The following GRID1 variants were observed in gnomAD, a reference collection of about 807,000 sequenced individuals.
GRID1 encodes the protein glutamate ionotropic receptor delta type subunit 1.
In GRID1, 28 loss-of-function variants were observed where a neutral mutation model predicts 98.0. The observed-to-expected ratio is 0.29, with a 90% CI of 0.21 to 0.39. The LOEUF is 0.39. Ranked by LOEUF, GRID1 falls within the 10% of genes least tolerant of loss-of-function variation. GRID1 has a pLI of 1.00. For synonymous variants in GRID1, 553 were observed against 538.5 expected, an observed-to-expected ratio of 1.03 and a Z score of -0.37; for missense variants, 1,111 against 1,340.5, an observed-to-expected ratio of 0.83 and a Z score of 2.67.
chr10:86,012,688 G>A (rs1045438021), intron 4 of GRID1, among the ~76,000 whole-genome samples: 2 of 152,042 alleles, frequency 1.3e-5, no homozygotes, highest in Non-Finnish European at 2.9e-5. Context: ...GCTAGAATAG[G>A]ACTGGGGCTC....
chr10:85,939,977 G>A (rs762627833), intron 4 of GRID1, among the ~76,000 whole-genome samples: 1 of 150,570 alleles, frequency 6.6e-6, no homozygotes, highest in Non-Finnish European at 1.5e-5. Context: ...TGAAGCAGGA[G>A]AATCGCTTGA....
chr10:85,891,276 T>C (rs1034602772), intron 5 of GRID1, among the ~76,000 whole-genome samples: 5 of 152,108 alleles, frequency 3.3e-5, no homozygotes, highest in African/African-American at 7.2e-5. Context: ...CAAAAAACTT[T>C]CCAAAGATGA....
intron 4 of GRID1, among the ~76,000 whole-genome samples, chr10:85,951,908 G>A (rs1254667103): frequency 6.6e-6 from 1 of 152,250 alleles, no homozygotes; most frequent in Non-Finnish European, 1.5e-5. Flanking sequence ...TCCTGGGGGT[G>A]AGGCCGACGC....
chr10:85,650,418 G>T (rs1843253136), intron 12 of GRID1, among the ~76,000 whole-genome samples: 1 of 152,150 alleles, frequency 6.6e-6, no homozygotes, highest in South Asian at 2.1e-4. Context: ...TATCACAGGT[G>T]TGGTCTCTAT....
chr10:85,831,444 T>A (rs1389466280), intron 8 of GRID1, among the ~76,000 whole-genome samples: 1 of 148,594 alleles, frequency 6.7e-6, no homozygotes, highest in Non-Finnish European at 1.5e-5. Flanking sequence ...ATAAGTTTTA[T>A]AAGATATAAA....
At chr10:86,362,833 G>A (rs1848618479) in intron 2 of GRID1, among the ~76,000 whole-genome samples, 1 of 152,220 alleles carries the variant, frequency 6.6e-6, no homozygotes, top group Non-Finnish European at 1.5e-5. Flanking sequence ...ACGGGCTTGA[G>A]GAGAAAACAC....
chr10:85,770,012 A>G (rs968260360), intron 8 of GRID1, among the ~76,000 whole-genome samples: 3 of 152,230 alleles, frequency 2.0e-5, no homozygotes, highest in Non-Finnish European at 4.4e-5. Flanking sequence ...GAGAACGGGC[A>G]GACTGCCTCC....
intron 3 of GRID1, among the ~76,000 whole-genome samples, chr10:86,170,559 C>T (rs899784261): frequency 2.0e-5 from 3 of 152,222 alleles, no homozygotes; most frequent in African/African-American, 7.2e-5. Context: ...AGGAGGGTCC[C>T]CACTTTGCTC....
chr10:85,878,118 T>C (rs1840929848), intron 5 of GRID1, among the ~76,000 whole-genome samples: 1 of 152,124 alleles, frequency 6.6e-6, no homozygotes, highest in Non-Finnish European at 1.5e-5. Flanking sequence ...TATGGGACTA[T>C]GTGAAAAGAC....
intron 5 of GRID1, among the ~76,000 whole-genome samples, chr10:85,907,891 A>G (rs1189639423): frequency 1.3e-5 from 2 of 152,220 alleles, no homozygotes; most frequent in African/African-American, 2.4e-5. Context: ...AAATCAGTCA[A>G]TGTAATTCAG....
Position 86,255,229 on chromosome 10 carries a change from T to G in GRID1, c.236-48581A>C, listed in dbSNP as rs139067557. Among the ~76,000 whole-genome samples, 174 of 152,388 alleles carry G rather than the reference T, an allele frequency of 1.1e-3. 1 individual carries two copies. The highest frequency in any genetic ancestry group is 4.0e-3 in the African/African-American group (165 of 41,594). ...TTCTTTATTTTCAAATATTCTGTCA[T>G]GCATCTATATTGTATCTGTACTTTA... On this transcript the variant is annotated intron_variant, in intron 2 of 15. Coordinates refer to ENST00000327946, the MANE Select transcript of GRID1 (RefSeq NM_017551.3).
At chr10:85,868,721 C>T (rs1843246894) in intron 6 of GRID1, among the ~76,000 whole-genome samples, 1 of 152,218 alleles carries the variant, frequency 6.6e-6, no homozygotes, top group Non-Finnish European at 1.5e-5. Context: ...ACAAAGAAGT[C>T]ATCACAGAGA....
Position 86,366,306 on chromosome 10 carries a change from G to C in GRID1, c.79+8C>G. On this transcript the variant is annotated splice_region_variant and intron_variant, in intron 1 of 15. Transcript: ENST00000327946. This position sits in a 1 kb window ranked among gnomAD's most constrained non-coding sequence, Gnocchi z 4.1. ...CCCAGCCTCGGCCCGGCCTCCAGCCGCGCTTACCGATGTGGATGATGGAGT... is the reference window on the plus strand; with the variant it reads ...CCCAGCCTCGGCCCGGCCTCCAGCCCCGCTTACCGATGTGGATGATGGAGT... 2.0e-6 allele frequency: 3 copies of C among 1,488,754 alleles called. No homozygotes were observed. Among genetic ancestry groups the C allele is most frequent in the Non-Finnish European group, 2.7e-6 (3 of 1,115,654 alleles). The allele number at this position is 1,488,754 out of a possible 1,614,324, so 92.2% of individuals were successfully genotyped here.
intron 6 of GRID1, among the ~76,000 whole-genome samples, chr10:85,859,977 G>A (rs1056959932): frequency 1.3e-5 from 2 of 152,174 alleles, no homozygotes; most frequent in African/African-American, 4.8e-5. Flanking sequence ...CTTTCCTCAG[G>A]GAAGATGGCT....
intron 4 of GRID1, among the ~76,000 whole-genome samples, chr10:85,986,463 C>A (rs749303934): frequency 6.6e-6 from 1 of 152,216 alleles, no homozygotes; most frequent in Non-Finnish European, 1.5e-5. Flanking sequence ...GTTGCAGAGA[C>A]AGGCCTGATA....
rs1040153341 is a variant in GRID1 at position 86,040,453 on chromosome 10, G to A, written c.726+98366C>T. ...TGTGACAACATGGATGAGTCATTAC[G>A]TTAAGGGAATTAGCCAGGCACAGAA... is the stretch of plus-strand genomic sequence containing the variant. On this transcript the variant is annotated intron_variant, in intron 4 of 15. Transcript: ENST00000327946. Among the ~76,000 whole-genome samples the A allele has an allele frequency of 4.8e-5, 7 of 145,714 alleles. 1 individual carries two copies. The highest frequency in any genetic ancestry group is 1.4e-4 in the Admixed American group (2 of 14,320).
chr10:85,954,398 T>G (rs866210415), intron 4 of GRID1, among the ~76,000 whole-genome samples: 1 of 152,218 alleles, frequency 6.6e-6, no homozygotes, highest in African/African-American at 2.4e-5. Flanking sequence ...TTTAATGGAC[T>G]GAGAGTAACT....
chr10:86,354,154 G>A (rs964881754), intron 2 of GRID1, among the ~76,000 whole-genome samples: 1 of 152,190 alleles, frequency 6.6e-6, no homozygotes, highest in Non-Finnish European at 1.5e-5. Context: ...ATGGGGGACA[G>A]ACAGCAAGAA....
At position 85,602,151 on chromosome 10, in the gene GRID1, GAA is replaced by G. The variant is rs1842584221; in HGVS notation, c.*120_*121del. The G allele has an allele frequency of 3.5e-6, 2 of 570,102 alleles. No individual in the cohort carries two copies. The highest frequency in any genetic ancestry group is 1.9e-5 in the African/African-American group (1 of 53,164). 35.3% of individuals were successfully genotyped at this position (570,102 alleles called of 1,614,324 possible). On this transcript the variant is annotated 3_prime_UTR_variant, in exon 16 of 16. Transcript: ENST00000327946. ...ATTTACACATATGTACAAGAAAAAT[GAA>G]AGAGTCTCTGTGTATGTGTGTGTGT...
Sources: gnomAD v4.1 joint callset for allele counts (sites outside exome capture counted in the v4.1 genomes callset) on GRCh38, gnomAD v4.1.1 for gene constraint, Gnocchi (gnomAD v3.1) non-coding constraint, MANE v1.5 for transcripts, NCBI Gene and HGNC (gene_info 2026-07-23, HGNC 2026-07-21) for gene names.